The following FER1L6 variants were observed in gnomAD, a reference collection of about 807,000 sequenced individuals.
The protein encoded by FER1L6 is fer-1-like protein 6.
A neutral mutation model predicts 219.2 loss-of-function variants in FER1L6; 177 were observed. The observed-to-expected ratio is 0.81, with a 90% CI of 0.71 to 0.91. The LOEUF is 0.91. Among genes scored for constraint, FER1L6 ranks in the 40% least tolerant of loss-of-function variants. The pLI is 0.00. For synonymous variants in FER1L6, 768 were observed against 824.3 expected (o/e 0.93, Z 1.17); for missense variants, 2,153 against 2,259.9 (o/e 0.95, Z 0.96).
intron 1 of FER1L6, among the ~76,000 whole-genome samples, chr8:123,914,031 T>A (rs1813116687): frequency 1.3e-5 from 2 of 152,230 alleles, no homozygotes; most frequent in South Asian, 4.1e-4. Flanking sequence ...ATTTTGGGAT[T>A]CTAAATTGCA....
At chr8:124,101,392 T>C in intron 38 of FER1L6, 54 bp downstream of exon 38, 1 of 1,544,634 alleles carries the variant, frequency 6.5e-7, no homozygotes, top group Non-Finnish European at 8.8e-7. Context: ...TTGTCTCAGC[T>C]TTTGGAGAGC....
rs374360747 is a variant in FER1L6 at position 123,857,737 on chromosome 8, A to G, written c.-8+5552A>G. ...AGCAGTGGTGCAGTGGCTGTCCTCC[A>G]TGAGGCCCCTCAGCCAGCAGGTTCT... On this transcript the variant is annotated intron_variant, in intron 1 of 40. Coordinates refer to ENST00000522917, the MANE Select transcript of FER1L6 (RefSeq NM_001039112.2). 1.5e-3 allele frequency among the ~76,000 whole-genome samples: 231 copies of G among 152,198 alleles called. 1 individual carries two copies. Among genetic ancestry groups the G allele is most frequent in the African/African-American group, 5.3e-3 (222 of 41,544 alleles).
At chr8:124,031,739 G>C (rs1044664599) in intron 18 of FER1L6, among the ~76,000 whole-genome samples, 1 of 152,144 alleles carries the variant, frequency 6.6e-6, no homozygotes, top group Non-Finnish European at 1.5e-5. Flanking sequence ...AAACACTTTT[G>C]CTTCTGAGGC....
Position 124,101,295 on chromosome 8 carries a change from G to A in FER1L6, c.5082G>A (p.Leu1694=). The A allele has an allele frequency of 6.2e-7, 1 of 1,613,856 alleles. No homozygotes were observed. The highest frequency in any genetic ancestry group is 8.5e-7 in the Non-Finnish European group (1 of 1,179,830). ...GTAAGACTCCTGCTGTGTTGGTGCT[G>A]CAGGTTTGGGATTTTGAAAGGCTGT... ...MECKTPAVLV[L]QVWDFERLSS... Residue 1694 remains leucine, a synonymous_variant, in exon 38 of 41, where the codon CTG becomes CTA. Transcript: ENST00000522917.
At chr8:123,962,475 T>A (rs1213903020) in intron 2 of FER1L6, among the ~76,000 whole-genome samples, 1 of 152,150 alleles carries the variant, frequency 6.6e-6, no homozygotes, top group Admixed American at 6.5e-5. Flanking sequence ...TAATTTGGTA[T>A]CTTATTGCCA....
At chr8:124,064,750 G>C (rs1227802161) in intron 26 of FER1L6, among the ~76,000 whole-genome samples, 177 bp downstream of exon 26, 1 of 152,224 alleles carries the variant, frequency 6.6e-6, no homozygotes, top group Admixed American at 6.5e-5. Flanking sequence ...TTTGTTATAG[G>C]ATCAGAAGGT....
chr8:124,088,217 T>G (rs1821863353), intron 33 of FER1L6, among the ~76,000 whole-genome samples: 1 of 152,084 alleles, frequency 6.6e-6, no homozygotes, highest in Non-Finnish European at 1.5e-5. Flanking sequence ...CCTGCTGCTC[T>G]ATTCTACTGT....
intron 1 of FER1L6, among the ~76,000 whole-genome samples, chr8:123,859,798 C>A (rs1171647803): frequency 2.6e-4 from 35 of 135,828 alleles, no homozygotes; most frequent in Admixed American, 4.6e-4. Context: ...TGAGAATATG[C>A]GGTGTTTGGT....
intron 39 of FER1L6, among the ~76,000 whole-genome samples, chr8:124,115,413 T>C (rs931434970): frequency 5.9e-5 from 9 of 152,246 alleles, no homozygotes; most frequent in African/African-American, 1.7e-4. Context: ...CAATGCCCGA[T>C]AGATGCATTG....
At chr8:123,945,583 T>C (rs1000171032) in intron 1 of FER1L6, among the ~76,000 whole-genome samples, 3 of 152,262 alleles carry the variant, frequency 2.0e-5, no homozygotes, top group African/African-American at 4.8e-5. Flanking sequence ...GGTTACTTTT[T>C]TTTAAAGTCA....
At chr8:124,115,633 T>C (rs1431119134) in intron 39 of FER1L6, among the ~76,000 whole-genome samples, 1 of 152,224 alleles carries the variant, frequency 6.6e-6, no homozygotes, top group African/African-American at 2.4e-5. Flanking sequence ...TTTCTATTGA[T>C]GAAACAGTGT....
chr8:124,081,566 T>C (rs1300046375), intron 32 of FER1L6, among the ~76,000 whole-genome samples: 1 of 150,368 alleles, frequency 6.7e-6, no homozygotes, highest in Non-Finnish European at 1.5e-5. Context: ...TTGTGTGTAC[T>C]TTCTGCAGGT....
rs529689792 is a variant in FER1L6, at chr8:123,856,193, G to A, written c.-8+4008G>A. Among the ~76,000 whole-genome samples the A allele has an allele frequency of 1.8e-4, 19 of 103,320 alleles. 1 individual carries two copies. In the South Asian group the frequency reaches 6.1e-3, roughly 33 times the overall value. 67.8% of individuals were successfully genotyped at this position (103,320 alleles called of 152,430 possible). A position where few individuals can be genotyped will look rare whatever the true frequency, so the allele number is the denominator to read the frequency against. On this transcript the variant is annotated intron_variant, in intron 1 of 40. Coordinates refer to ENST00000522917, the MANE Select transcript of FER1L6 (RefSeq NM_001039112.2). ...ATGAGATATATGTATATACATATGT[G>A]TATGAGATATATGTATATACATATG... is the stretch of plus-strand genomic sequence containing the variant.
intron 27 of FER1L6, among the ~76,000 whole-genome samples, chr8:124,067,132 G>A (rs1820862307): frequency 6.6e-6 from 1 of 152,132 alleles, no homozygotes. Context: ...AACTGGATAT[G>A]GTAAGATTTC....
chr8:124,108,985 T>C (rs1822898984), intron 39 of FER1L6, among the ~76,000 whole-genome samples: 1 of 152,162 alleles, frequency 6.6e-6, no homozygotes. Flanking sequence ...GAATTGGCCA[T>C]GATGATGAAT....
rs1816126133 is a variant in FER1L6, at chr8:123,977,346, G to C, written c.871-71G>C. On this transcript the variant is annotated intron_variant, in intron 9 of 40. Transcript: ENST00000522917. Reference sequence around the variant, plus strand: ...TTTGAAAACTCACTTTATACTTCCAGCTGGCTTGAAGAGTTTTCTGTAGTC... The same window carrying C: ...TTTGAAAACTCACTTTATACTTCCACCTGGCTTGAAGAGTTTTCTGTAGTC... 12 of 1,444,010 alleles carry C rather than the reference G, an allele frequency of 8.3e-6. No homozygotes were observed. In the Admixed American group the frequency reaches 2.5e-4, roughly 30 times the overall value. The allele number at this position is 1,444,010 out of a possible 1,614,324, so 89.4% of individuals were successfully genotyped here. A position where few individuals can be genotyped will look rare whatever the true frequency, so the allele number is the denominator to read the frequency against.
chr8:123,944,649 G>A (rs1376073540), intron 1 of FER1L6, among the ~76,000 whole-genome samples: 1 of 152,138 alleles, frequency 6.6e-6, no homozygotes, highest in African/African-American at 2.4e-5. Flanking sequence ...TCTTACAGAT[G>A]AGGAATTACA....
chr8:124,068,275 A>C (rs539638951), intron 28 of FER1L6, among the ~76,000 whole-genome samples: 2 of 152,318 alleles, frequency 1.3e-5, no homozygotes, highest in East Asian at 3.9e-4. Context: ...TTAAGCAGCC[A>C]ATGTTGTTTC....
intron 1 of FER1L6, among the ~76,000 whole-genome samples, chr8:123,913,047 A>G (rs1235244622): frequency 1.3e-5 from 2 of 152,176 alleles, no homozygotes; most frequent in South Asian, 2.1e-4. Context: ...CTTGATTACT[A>G]TCACTGAAAG....
Sources: allele counts gnomAD v4.1 joint callset (sites outside exome capture counted in the v4.1 genomes callset), GRCh38; gene constraint gnomAD v4.1.1; transcripts MANE v1.5; gene names NCBI Gene and HGNC (gene_info 2026-07-23, HGNC 2026-07-21).